The following STON2 variants were observed in gnomAD, a reference collection of about 807,000 sequenced individuals.
The protein encoded by STON2 is stonin-2.
STON2 carries 29 observed loss-of-function variants against 65.7 expected under a neutral mutation model. The observed-to-expected ratio is 0.44, with a 90% CI of 0.33 to 0.60. The LOEUF (loss-of-function observed/expected upper bound fraction) is 0.60. Among genes scored for constraint, STON2 ranks in the 20% least tolerant of loss-of-function variants. STON2 has a pLI of 0.03. For synonymous variants in STON2, 404 were observed against 414.2 expected (o/e 0.98, Z 0.30); for missense variants, 1,054 against 1,118.1 (o/e 0.94, Z 0.82).
intron 4 of STON2, among the ~76,000 whole-genome samples, chr14:81,362,491 G>GAT (rs1293350926): frequency 2.0e-5 from 3 of 152,138 alleles, no homozygotes; most frequent in Non-Finnish European, 4.4e-5. Flanking sequence ...GAGATGCAGG[G>GAT]AATGGGTAGA....
intron 7 of STON2, chr14:81,270,036 T>G: frequency 1.0e-6 from 1 of 983,836 alleles, no homozygotes; most frequent in Non-Finnish European, 1.2e-6. Context: ...AGCTCACTAC[T>G]CTGTGACATA....
At chr14:81,291,001 G>A (rs1428601728) in intron 5 of STON2, among the ~76,000 whole-genome samples, 2 of 152,078 alleles carry the variant, frequency 1.3e-5, no homozygotes, top group Non-Finnish European at 2.9e-5. Context: ...ATATATATAT[G>A]TCTCATTTCA....
At chr14:81,300,503 C>T (rs1304541235) in intron 5 of STON2, among the ~76,000 whole-genome samples, 1 of 152,098 alleles carries the variant, frequency 6.6e-6, no homozygotes, top group African/African-American at 2.4e-5. Context: ...TAAAAGAATA[C>T]ATAACTCCCA....
rs1451170265 is a variant in STON2, at chr14:81,318,364, T to A, written c.742+5653A>T. On this transcript the variant is annotated intron_variant, in intron 5 of 7. Transcript: ENST00000614646. ...AGGAGCAGAAGACGGCTCCAGAGGA[T>A]GCACACTTCTCTGCTTCTGGGTTAT... Among the ~76,000 whole-genome samples, 3 of 152,172 alleles carry A rather than the reference T, an allele frequency of 2.0e-5. No individual in the cohort carries two copies. The South Asian group carries it at 6.2e-4, about 32-fold the overall frequency.
intron 5 of STON2, among the ~76,000 whole-genome samples, chr14:81,308,485 T>C (rs1462293599): frequency 1.3e-5 from 2 of 152,138 alleles, no homozygotes; most frequent in Non-Finnish European, 2.9e-5. Flanking sequence ...ATTACAGGCA[T>C]GAGCCACCGT....
chr14:81,326,227 G>C (rs906547951), intron 4 of STON2, among the ~76,000 whole-genome samples: 4 of 152,148 alleles, frequency 2.6e-5, no homozygotes, highest in Non-Finnish European at 4.4e-5. Context: ...TTTTCCCTTA[G>C]GAACAATGTT....
At chr14:81,342,776 C>A (rs763847835) in intron 4 of STON2, among the ~76,000 whole-genome samples, 11 of 152,008 alleles carry the variant, frequency 7.2e-5, no homozygotes, top group Non-Finnish European at 1.6e-4. Flanking sequence ...GAAGGGGGGG[C>A]ATGGGGACAA....
intron 5 of STON2, among the ~76,000 whole-genome samples, chr14:81,319,316 A>ATT: frequency 6.6e-6 from 1 of 150,592 alleles, no homozygotes; most frequent in African/African-American, 2.4e-5. Context: ...TTTATACCTG[A>ATT]TTTTTTTTTT....
At chr14:81,325,194 T>C (rs1007010378) in intron 4 of STON2, among the ~76,000 whole-genome samples, 1 of 152,242 alleles carries the variant, frequency 6.6e-6, no homozygotes. Flanking sequence ...CTTAAAGTTT[T>C]ATAACTTTTC....
chr14:81,331,345 GCT>G (rs1312472174), intron 4 of STON2, among the ~76,000 whole-genome samples: 1 of 152,168 alleles, frequency 6.6e-6, no homozygotes, highest in Non-Finnish European at 1.5e-5. Flanking sequence ...CTTTACATTT[GCT>G]CTTTTAATTA....
upstream of STON2, among the ~76,000 whole-genome samples, chr14:81,405,088 C>T (rs1011283009): frequency 6.6e-6 from 1 of 152,134 alleles, no homozygotes; most frequent in African/African-American, 2.4e-5. Context: ...TCATTTTACT[C>T]GAAGTTAGTG....
intron 7 of STON2, chr14:81,269,439 T>TA: frequency 1.0e-6 from 1 of 985,476 alleles, no homozygotes; most frequent in African/African-American, 1.7e-5. Context: ...TTGAAAGTAA[T>TA]ACATCTCAAC....
At chr14:81,387,175 TA>T (rs66958520) in intron 3 of STON2, among the ~76,000 whole-genome samples, 34,063 of 149,596 alleles carry the variant, frequency 0.23, 5,200 homozygotes, top group East Asian at 0.44. Context: ...TTTTTTTTTT[TA>T]AAACATGCTG....
rs566500751 is a variant in STON2, at chr14:81,419,234, A to T, written c.-199+7868T>A. ...TATCTTGTCCCATCTTTACAACAGC[A>T]TCCTGATATAAGCTGCTATTACTAA... On this transcript the variant is annotated intron_variant, in intron 2 of 8. Transcript: ENST00000553821. Among the ~76,000 whole-genome samples the T allele has an allele frequency of 5.9e-5, 9 of 152,294 alleles. No individual in the cohort carries two copies. In the South Asian group the frequency reaches 6.2e-4, roughly 11 times the overall value.
upstream of STON2, among the ~76,000 whole-genome samples, chr14:81,403,415 CCTTT>C (rs1409124702): frequency 6.6e-6 from 1 of 152,194 alleles, no homozygotes; most frequent in East Asian, 1.9e-4. Flanking sequence ...ACCCAAAACT[CCTTT>C]CTTTTTCGAG....
intron 4 of STON2, among the ~76,000 whole-genome samples, chr14:81,347,102 T>C (rs3915223): frequency 0.28 from 41,892 of 149,598 alleles, 6,148 homozygotes; most frequent in South Asian, 0.35. Context: ...CAAAACAAAA[T>C]AAAAAAAAAC....
chr14:81,321,154 C>T (rs1469906564), intron 5 of STON2, among the ~76,000 whole-genome samples: 1 of 152,138 alleles, frequency 6.6e-6, no homozygotes, highest in African/African-American at 2.4e-5. Context: ...GTTATTCTAG[C>T]ATCTCTACAG....
At chr14:81,276,016 T>A (rs187939974) in intron 6 of STON2, among the ~76,000 whole-genome samples, 20 of 152,348 alleles carry the variant, frequency 1.3e-4, no homozygotes, top group African/African-American at 4.8e-4. Context: ...GCAAAATGTA[T>A]TCTAAACAAG....
intron 5 of STON2, among the ~76,000 whole-genome samples, chr14:81,319,808 G>A (rs544036932): frequency 1.3e-5 from 2 of 152,264 alleles, no homozygotes; most frequent in South Asian, 2.1e-4. Context: ...CACAAGAATT[G>A]AGGACCCACC....
Sources: gnomAD v4.1 joint callset for allele counts (sites outside exome capture counted in the v4.1 genomes callset) on GRCh38, gnomAD v4.1.1 for gene constraint, MANE v1.5 for transcripts, NCBI Gene and HGNC (gene_info 2026-07-23, HGNC 2026-07-21) for gene names.